The following LSM12 variants were observed in gnomAD, a reference collection of about 807,000 sequenced individuals.
LSM12 encodes the protein protein LSM12.
For synonymous variants in LSM12, 74 were observed against 87.3 expected (o/e 0.85, Z 0.85); for missense variants, 108 against 238.9 (o/e 0.45, Z 3.61).
intron 3 of LSM12, among the ~76,000 whole-genome samples, chr17:44,039,125 G>A (rs1034399130): frequency 6.6e-6 from 1 of 152,058 alleles, no homozygotes; most frequent in Non-Finnish European, 1.5e-5. Context: ...CACAATCTTG[G>A]CTCACCACAA....
intron 2 of LSM12, 31 bp downstream of exon 2, chr17:44,063,770 T>TA: frequency 2.5e-6 from 4 of 1,595,010 alleles, no homozygotes; most frequent in Non-Finnish European, 3.4e-6. Context: ...CCCACCATTT[T>TA]AGAGAGCCAG....
intron 2 of LSM12, among the ~76,000 whole-genome samples, chr17:44,058,667 C>T (rs2049754227): frequency 6.6e-6 from 1 of 152,092 alleles, no homozygotes; most frequent in African/African-American, 2.4e-5. Context: ...CCCATCTCTA[C>T]TAAAGATACA....
At position 44,063,556 on chromosome 17, in the gene LSM12, CCT is replaced by C. The variant is rs1413607461; in HGVS notation, c.258+243_258+244del. 3.3e-5 allele frequency among the ~76,000 whole-genome samples: 5 copies of C among 152,232 alleles called. No individual in the cohort carries two copies. In the South Asian group the frequency reaches 1.0e-3, roughly 32 times the overall value. ...TCATGAACTCCAAGATTTAAAAAGT[CCT>C]CTTTCATAAAGGCAGAAGCAAGCTC... On this transcript the variant is annotated intron_variant, in intron 2 of 4. Coordinates refer to ENST00000293406, the MANE Select transcript of LSM12 (RefSeq NM_001371445.1).
intron 2 of LSM12, among the ~76,000 whole-genome samples, chr17:44,053,506 G>A (rs2049672656): frequency 6.6e-6 from 1 of 152,150 alleles, no homozygotes; most frequent in South Asian, 2.1e-4. Context: ...CAACAAATGT[G>A]AGATTCTGGA....
At chr17:44,056,458 A>T (rs1475635862) in intron 2 of LSM12, among the ~76,000 whole-genome samples, 1 of 151,878 alleles carries the variant, frequency 6.6e-6, no homozygotes, top group Non-Finnish European at 1.5e-5. Context: ...CTGACAAAAA[A>T]TTGTTTTTTT....
intron 2 of LSM12, among the ~76,000 whole-genome samples, chr17:44,052,051 T>G (rs775657517): frequency 6.6e-6 from 1 of 151,884 alleles, no homozygotes; most frequent in Non-Finnish European, 1.5e-5. Flanking sequence ...GAGGTAGCAA[T>G]GAGCCAAGAT....
At chr17:44,059,929 C>T (rs1316607234) in intron 2 of LSM12, among the ~76,000 whole-genome samples, 1 of 152,116 alleles carries the variant, frequency 6.6e-6, no homozygotes, top group Non-Finnish European at 1.5e-5. Flanking sequence ...CTTTGGGAGG[C>T]CGAGGCGGGC....
At chr17:44,048,353 G>A (rs1044118834) in intron 2 of LSM12, among the ~76,000 whole-genome samples, 2 of 151,674 alleles carry the variant, frequency 1.3e-5, no homozygotes, top group Admixed American at 1.3e-4. Flanking sequence ...ACAGTAACAT[G>A]CACCTGTAGT....
At chr17:44,053,297 C>A (rs1232030573) in intron 2 of LSM12, among the ~76,000 whole-genome samples, 1 of 152,188 alleles carries the variant, frequency 6.6e-6, no homozygotes, top group Non-Finnish European at 1.5e-5. Context: ...TGCTGTGCTA[C>A]AAGAGCAAGG....
chr17:44,042,173 C>T (rs2049503776), intron 2 of LSM12, among the ~76,000 whole-genome samples: 1 of 151,894 alleles, frequency 6.6e-6, no homozygotes, highest in African/African-American at 2.4e-5. Context: ...TGTAATCCCG[C>T]CTACTCAGGA....
At chr17:44,064,277 C>T (rs1225129385) in intron 1 of LSM12, among the ~76,000 whole-genome samples, 1 of 152,152 alleles carries the variant, frequency 6.6e-6, no homozygotes, top group Admixed American at 6.5e-5. Flanking sequence ...GCACAGTATT[C>T]TTTTTACTCT....
chr17:44,057,909 A>T (rs2049739502), intron 2 of LSM12, among the ~76,000 whole-genome samples: 2 of 150,940 alleles, frequency 1.3e-5, no homozygotes, highest in Admixed American at 1.3e-4. Flanking sequence ...GCCTTATCTC[A>T]TCCCATAATT....
chr17:44,046,093 C>T (rs1031095038), intron 2 of LSM12, among the ~76,000 whole-genome samples: 7 of 151,446 alleles, frequency 4.6e-5, no homozygotes, highest in African/African-American at 1.2e-4. Flanking sequence ...CCCGCCACCA[C>T]GCCCGGATAA....
chr17:44,064,257 CTCTG>C (rs2049838862), intron 1 of LSM12, among the ~76,000 whole-genome samples: 1 of 58,142 alleles, frequency 1.7e-5, no homozygotes, highest in Admixed American at 1.8e-4. Context: ...GTATAATACT[CTCTG>C]TGTCTGCACA....
At chr17:44,063,201 C>T (rs1034673073) in intron 2 of LSM12, among the ~76,000 whole-genome samples, 8 of 152,168 alleles carry the variant, frequency 5.3e-5, no homozygotes, top group Non-Finnish European at 1.2e-4. Context: ...TCAAGTTCAA[C>T]CTGGGCAACA....
intron 2 of LSM12, among the ~76,000 whole-genome samples, chr17:44,051,961 C>T (rs923996432): frequency 1.3e-5 from 2 of 151,270 alleles, no homozygotes; most frequent in African/African-American, 2.4e-5. Flanking sequence ...TACAAACATC[C>T]GCTGGGTGTG....
At chr17:44,043,336 T>G (rs185811427) in intron 2 of LSM12, among the ~76,000 whole-genome samples, 17 of 152,274 alleles carry the variant, frequency 1.1e-4, no homozygotes, top group Non-Finnish European at 2.2e-4. Context: ...TATATAATCT[T>G]TCAAGACTGG....
intron 1 of LSM12, among the ~76,000 whole-genome samples, chr17:44,065,439 T>TA (rs35086714): frequency 0.013 from 1,430 of 113,484 alleles, 11 homozygotes; most frequent in Middle Eastern, 0.032. Context: ...GACTCCATCT[T>TA]AAAAAAAAAA....
chr17:44,040,330 G>A, intron 2 of LSM12, 74 bp from the exon 3 acceptor site: 1 of 1,091,544 alleles, frequency 9.2e-7, no homozygotes, highest in Non-Finnish European at 1.4e-6. Flanking sequence ...GACCTAAGCT[G>A]AAGAAAGGAG....
Sources: allele counts gnomAD v4.1 joint callset (sites outside exome capture counted in the v4.1 genomes callset), GRCh38; gene constraint gnomAD v4.1.1; transcripts MANE v1.5; gene names NCBI Gene and HGNC (gene_info 2026-07-23, HGNC 2026-07-21).